The following TENM2 variants were observed in gnomAD, a reference collection of about 807,000 sequenced individuals.
TENM2 encodes the protein teneurin-2.
Under a neutral mutation model 245.2 loss-of-function variants are expected in TENM2, and 52 were observed. That is an observed-to-expected ratio of 0.21 (90% CI 0.17 to 0.27). The LOEUF is 0.27. Ranked by LOEUF, TENM2 falls within the 10% of genes least tolerant of loss-of-function variation. TENM2 has a pLI of 1.00. For missense variants in TENM2, 3,046 were observed against 3,666.8 expected (o/e 0.83, Z 4.37); for synonymous variants, 1,363 against 1,438.9 (o/e 0.95, Z 1.19).
chr5:167,709,255 G>T (rs1758745113), intron 2 of TENM2, among the ~76,000 whole-genome samples: 1 of 152,056 alleles, frequency 6.6e-6, no homozygotes, highest in Non-Finnish European at 1.5e-5. Flanking sequence ...TTATCCCCGG[G>T]TTATTTGATC....
intron 2 of TENM2, among the ~76,000 whole-genome samples, chr5:167,585,291 A>C (rs575625871): frequency 6.6e-6 from 1 of 152,348 alleles, no homozygotes; most frequent in African/African-American, 2.4e-5. Flanking sequence ...ATTTATGATG[A>C]AAAGTACACT....
chr5:167,249,968 A>C, the TENM2 span, among the ~76,000 whole-genome samples: 9 of 152,174 alleles, frequency 5.9e-5, no homozygotes, highest in Admixed American at 5.9e-4. Flanking sequence ...GTAAACGATT[A>C]AATGGTAGTG....
intron 2 of TENM2, among the ~76,000 whole-genome samples, chr5:167,754,766 A>G (rs1490661967): frequency 2.0e-5 from 3 of 150,954 alleles, no homozygotes; most frequent in Non-Finnish European, 4.4e-5. Context: ...ACGTTAACCC[A>G]GAAAGATGCA....
chr5:167,215,208 C>G, the TENM2 span, among the ~76,000 whole-genome samples: 1 of 152,294 alleles, frequency 6.6e-6, no homozygotes, highest in East Asian at 1.9e-4. Context: ...GATTCACAAC[C>G]TTCATTGTGC....
intron 1 of TENM2, among the ~76,000 whole-genome samples, chr5:167,300,296 GGCAGTACA>G (rs1755231789): frequency 6.6e-6 from 1 of 152,156 alleles, no homozygotes; most frequent in Non-Finnish European, 1.5e-5. Context: ...GAAGCCTTGC[GGCAGTACA>G]GCCCAGGTAA....
At chr5:167,114,587 G>A in the TENM2 span, among the ~76,000 whole-genome samples, 1 of 152,118 alleles carries the variant, frequency 6.6e-6, no homozygotes, top group Non-Finnish European at 1.5e-5. Flanking sequence ...CATGAAAAAA[G>A]TACTCATTAA....
chr5:167,383,802 T>C (rs933932393), intron 2 of TENM2, among the ~76,000 whole-genome samples: 2 of 152,090 alleles, frequency 1.3e-5, no homozygotes, highest in Non-Finnish European at 2.9e-5. Flanking sequence ...ATTTTAACTT[T>C]TGAATATGTT....
At chr5:168,180,914 A>AC (rs1256494205) in intron 13 of TENM2, among the ~76,000 whole-genome samples, 1 of 151,972 alleles carries the variant, frequency 6.6e-6, no homozygotes, top group Non-Finnish European at 1.5e-5. Flanking sequence ...AAATTTAAAA[A>AC]AAAAAAAAAT....
intron 7 of TENM2, among the ~76,000 whole-genome samples, chr5:168,066,093 G>C (rs2152111156): frequency 6.6e-6 from 1 of 152,324 alleles, no homozygotes. Context: ...AGTGCTAATA[G>C]TGCTGAGGTT....
chr5:168,104,037 TTTG>T (rs1554197942), intron 9 of TENM2, among the ~76,000 whole-genome samples: 1 of 151,976 alleles, frequency 6.6e-6, no homozygotes, highest in South Asian at 2.1e-4. Flanking sequence ...TGTTTGTTTG[TTTG>T]TTTTTTGAGA....
At chr5:167,423,657 T>C (rs956343484) in intron 2 of TENM2, among the ~76,000 whole-genome samples, 1 of 152,182 alleles carries the variant, frequency 6.6e-6, no homozygotes, top group African/African-American at 2.4e-5. Context: ...CATTCCCACG[T>C]TGGGCACCCT....
At chr5:167,919,995 A>G (rs1777229235) in intron 3 of TENM2, among the ~76,000 whole-genome samples, 1 of 152,210 alleles carries the variant, frequency 6.6e-6, no homozygotes, top group African/African-American at 2.4e-5. Flanking sequence ...ACATCAGGGC[A>G]TCTGCATTTC....
chr5:167,272,030 G>C, the TENM2 span, among the ~76,000 whole-genome samples: 1 of 152,180 alleles, frequency 6.6e-6, no homozygotes, highest in East Asian at 1.9e-4. Flanking sequence ...TCTATGCTTA[G>C]AATTACCCTT....
intron 2 of TENM2, among the ~76,000 whole-genome samples, chr5:167,699,265 C>T (rs73801356): frequency 0.01 from 1,576 of 151,896 alleles, 29 homozygotes; most frequent in African/African-American, 0.036. Context: ...TAGAATGCTG[C>T]GTTAAGTAGT....
intron 2 of TENM2, among the ~76,000 whole-genome samples, chr5:167,793,644 G>T (rs1291197749): frequency 6.6e-6 from 1 of 151,668 alleles, no homozygotes; most frequent in East Asian, 2.0e-4. Context: ...AGACCAGCCT[G>T]GGCAACATGG....
At chr5:167,473,849 A>AG (rs140020953) in intron 2 of TENM2, among the ~76,000 whole-genome samples, 12,817 of 152,204 alleles carry the variant, frequency 0.084, 861 homozygotes, top group African/African-American at 0.16. Flanking sequence ...TTTGTGGTTC[A>AG]GGACTGGAGC....
chr5:167,268,636 G>T, the TENM2 span, among the ~76,000 whole-genome samples: 1 of 152,116 alleles, frequency 6.6e-6, no homozygotes, highest in African/African-American at 2.4e-5. Context: ...ACTGTGGCCT[G>T]GGGGTCAAAT....
At chr5:168,012,660 AC>A (rs1429149929) in intron 5 of TENM2, among the ~76,000 whole-genome samples, 2 of 148,244 alleles carry the variant, frequency 1.3e-5, no homozygotes, top group Non-Finnish European at 3.0e-5. Flanking sequence ...AAAAAAAAAA[AC>A]AAAAAAAAAA....
intron 2 of TENM2, among the ~76,000 whole-genome samples, chr5:167,779,398 A>G (rs747629399): frequency 1.3e-5 from 2 of 152,182 alleles, no homozygotes; most frequent in Admixed American, 6.5e-5. Context: ...TGTCCTACCA[A>G]CCAAGAACCT....
Sources: gnomAD v4.1 joint callset for allele counts (sites outside exome capture counted in the v4.1 genomes callset) on GRCh38, gnomAD v4.1.1 for gene constraint, MANE v1.5 for transcripts, NCBI Gene and HGNC (gene_info 2026-07-23, HGNC 2026-07-21) for gene names.